The following NEGR1 variants were observed in gnomAD, a reference collection of about 807,000 sequenced individuals.
NEGR1 encodes neuronal growth regulator 1, also known as IgLON family member 4.
Under a neutral mutation model 40.9 loss-of-function variants are expected in NEGR1, and 10 were observed. That is an observed-to-expected ratio of 0.24 (90% CI 0.15 to 0.42). NEGR1 has a LOEUF of 0.42. NEGR1 is among the 10% of genes least tolerant of loss of function. The probability of loss-of-function intolerance (pLI) is 1.00; values close to 1 mark genes in which losing one functional copy is unlikely to be tolerated. For missense variants in NEGR1, 352 were observed against 438.9 expected, an observed-to-expected ratio of 0.80 and a Z score of 1.77; for synonymous variants, 185 against 166.8, an observed-to-expected ratio of 1.11 and a Z score of -0.84.
At chr1:72,039,902 T>C (rs1646937039) in intron 1 of NEGR1, among the ~76,000 whole-genome samples, 1 of 151,954 alleles carries the variant, frequency 6.6e-6, no homozygotes, top group South Asian at 2.1e-4. Flanking sequence ...GTGTTTCTGA[T>C]GATATAGAAA....
intron 2 of NEGR1, among the ~76,000 whole-genome samples, chr1:71,790,484 G>A (rs1178775473): frequency 6.6e-6 from 1 of 152,002 alleles, no homozygotes; most frequent in African/African-American, 2.4e-5. Flanking sequence ...GCAGTACTAC[G>A]TTAGGACACT....
intron 4 of NEGR1, among the ~76,000 whole-genome samples, chr1:71,645,674 T>TGACG: frequency 6.6e-6 from 1 of 151,972 alleles, no homozygotes; most frequent in South Asian, 2.1e-4. Flanking sequence ...TTGGAGGAAA[T>TGACG]GACTAAGTCT....
chr1:72,104,297 G>A (rs2821251), intron 1 of NEGR1, among the ~76,000 whole-genome samples: 33,197 of 151,846 alleles, frequency 0.22, 3,785 homozygotes, highest in East Asian at 0.34. Flanking sequence ...TATCTGGTTG[G>A]GCCCAATGTA....
In NEGR1 at chr1:72,097,651, G is replaced by A. The variant is rs930960104; in HGVS notation, c.177-162340C>T. Among the ~76,000 whole-genome samples the A allele has an allele frequency of 1.3e-4, 20 of 152,240 alleles. 1 individual carries two copies. The highest frequency in any genetic ancestry group is 9.7e-4 in the East Asian group (5 of 5,178). ...CCCATGCCTTCCCATTTCATGCTTC[G>A]CAAAAGATTCATAGAGTGGGAAGAA... On this transcript the variant is annotated intron_variant, in intron 1 of 6. Transcript: ENST00000357731.
At chr1:71,926,117 A>ACATC (rs1645769976) in intron 2 of NEGR1, among the ~76,000 whole-genome samples, 1 of 152,210 alleles carries the variant, frequency 6.6e-6, no homozygotes, top group African/African-American at 2.4e-5. Context: ...ATTGTAAGAA[A>ACATC]CATCCATTAA....
chr1:71,565,358 T>A (rs1451912749), intron 6 of NEGR1, among the ~76,000 whole-genome samples: 1 of 152,186 alleles, frequency 6.6e-6, no homozygotes, highest in Non-Finnish European at 1.5e-5. Context: ...GTATACACAA[T>A]AGTTTAAGCC....
chr1:72,156,979 T>A (rs1651383421), intron 1 of NEGR1, among the ~76,000 whole-genome samples: 1 of 152,046 alleles, frequency 6.6e-6, no homozygotes, highest in Non-Finnish European at 1.5e-5. Flanking sequence ...GTTTGTGTGT[T>A]TTTGAGACAG....
At chr1:71,627,551 A>G (rs765818577) in intron 4 of NEGR1, among the ~76,000 whole-genome samples, 2 of 151,998 alleles carry the variant, frequency 1.3e-5, no homozygotes, top group Non-Finnish European at 2.9e-5. Context: ...TTTTAGTGAC[A>G]TGTAACAATT....
chr1:72,237,103 A>G (rs1221591538), intron 1 of NEGR1, among the ~76,000 whole-genome samples: 1 of 151,990 alleles, frequency 6.6e-6, no homozygotes, highest in Non-Finnish European at 1.5e-5. Context: ...CACAAATTCT[A>G]AAGGTTAAAG....
intron 1 of NEGR1, among the ~76,000 whole-genome samples, chr1:72,037,679 T>C (rs895213738): frequency 2.6e-5 from 4 of 152,166 alleles, no homozygotes; most frequent in Non-Finnish European, 4.4e-5. Context: ...ATAAACTATT[T>C]CATGAATATC....
At chr1:71,607,726 G>A (rs184563777) in intron 5 of NEGR1, among the ~76,000 whole-genome samples, 7 of 151,710 alleles carry the variant, frequency 4.6e-5, no homozygotes, top group East Asian at 3.9e-4. Flanking sequence ...AGAGAGTATC[G>A]CTCTGTCTCC....
chr1:71,843,518 C>T (rs1249236369), intron 2 of NEGR1, among the ~76,000 whole-genome samples: 4 of 152,160 alleles, frequency 2.6e-5, no homozygotes, highest in Non-Finnish European at 5.9e-5. Context: ...TGTCAAAGGC[C>T]AGGTCTGTAT....
intron 1 of NEGR1, among the ~76,000 whole-genome samples, chr1:71,988,464 G>C (rs981545535): frequency 6.7e-6 from 1 of 148,218 alleles, no homozygotes; most frequent in Non-Finnish European, 1.5e-5. Flanking sequence ...GCGTGAACCC[G>C]GGAAGCGGAG....
intron 1 of NEGR1, among the ~76,000 whole-genome samples, chr1:72,211,905 C>A (rs1653622774): frequency 6.6e-6 from 1 of 151,714 alleles, no homozygotes; most frequent in South Asian, 2.1e-4. Flanking sequence ...TTCCTCACTG[C>A]CTCCTTTACA....
At chr1:72,176,305 ATTAAT>A (rs1480033636) in intron 1 of NEGR1, among the ~76,000 whole-genome samples, 1 of 152,112 alleles carries the variant, frequency 6.6e-6, no homozygotes, top group Admixed American at 6.6e-5. Context: ...TTACAATTAT[ATTAAT>A]TTAACATTTA....
chr1:71,627,784 A>T (rs1440502318), intron 4 of NEGR1, among the ~76,000 whole-genome samples: 1 of 152,070 alleles, frequency 6.6e-6, no homozygotes, highest in African/African-American at 2.4e-5. Flanking sequence ...CCAAAGCCAA[A>T]GAGAGCTCTA....
At chr1:72,204,974 G>T (rs1419771561) in intron 1 of NEGR1, among the ~76,000 whole-genome samples, 3 of 152,038 alleles carry the variant, frequency 2.0e-5, no homozygotes, top group Non-Finnish European at 4.4e-5. Flanking sequence ...CATATGCCCT[G>T]TGGAATATGA....
chr1:72,263,591 G>A (rs1163792879), intron 1 of NEGR1, among the ~76,000 whole-genome samples: 2 of 151,574 alleles, frequency 1.3e-5, no homozygotes, highest in African/African-American at 2.4e-5. Context: ...TAATAAAAGC[G>A]ACCTTAAAAT....
At chr1:71,850,051 C>G (rs1659551944) in intron 2 of NEGR1, among the ~76,000 whole-genome samples, 1 of 152,010 alleles carries the variant, frequency 6.6e-6, no homozygotes, top group Non-Finnish European at 1.5e-5. Flanking sequence ...TATGGAATGT[C>G]TAAACAAACT....
Sources: gnomAD v4.1 joint callset for allele counts (sites outside exome capture counted in the v4.1 genomes callset) on GRCh38, gnomAD v4.1.1 for gene constraint, MANE v1.5 for transcripts, NCBI Gene and HGNC (gene_info 2026-07-23, HGNC 2026-07-21) for gene names.